Variants in CNKSR2 observed in about 807,000 individuals in gnomAD.
CNKSR2 encodes CNK homolog protein 2.
A neutral mutation model predicts 84.4 loss-of-function variants in CNKSR2; 14 were observed. The observed-to-expected ratio is 0.17, with a 90% CI of 0.11 to 0.26. CNKSR2 has a LOEUF of 0.26. CNKSR2 is among the 10% of genes least tolerant of loss of function. The probability of loss-of-function intolerance (pLI) is 1.00; values close to 1 mark genes in which losing one functional copy is unlikely to be tolerated. For synonymous variants in CNKSR2, 275 were observed against 277.9 expected, an observed-to-expected ratio of 0.99 and a Z score of 0.10; for missense variants, 485 against 771.2, an observed-to-expected ratio of 0.63 and a Z score of 4.40.
At chrX:21,632,990 TAC>T (rs200936630) in intron 20 of CNKSR2, among the ~76,000 whole-genome samples, 11,218 of 100,080 alleles carry the variant, frequency 0.11, 548 homozygotes, top group Non-Finnish European at 0.15. Context: ...TTATATAATA[TAC>T]ACACACACAC....
At chrX:21,608,990 C>G in intron 19 of CNKSR2, 81 bp from the exon 20 acceptor site, 1 of 1,123,944 alleles carries the variant, frequency 8.9e-7, no homozygotes, top group Non-Finnish European at 1.2e-6. Flanking sequence ...TAAATATTAC[C>G]TGGTAGAAAC....
intron 4 of CNKSR2, among the ~76,000 whole-genome samples, chrX:21,443,183 A>G (rs1400178624): frequency 3.6e-5 from 4 of 111,741 alleles, no homozygotes; most frequent in Non-Finnish European, 7.5e-5. Context: ...AAAATAGCTG[A>G]TGAGTGTAAA....
In CNKSR2 at chrX:21,581,004, C is replaced by T. The variant is rs143030615; in HGVS notation, c.1609-9568C>T. ...AGTGCAAATCTATGTTAATTGTACA[C>T]ATCAATCAGGCACCCCAAAATAGCT... On this transcript the variant is annotated intron_variant, in intron 13 of 21. Coordinates refer to ENST00000379510, the MANE Select transcript of CNKSR2 (RefSeq NM_014927.5). Among the ~76,000 whole-genome samples, 566 of 111,750 alleles carry T rather than the reference C, an allele frequency of 5.1e-3. 3 individuals carry two copies. The highest frequency in any genetic ancestry group is 0.018 in the African/African-American group (547 of 30,795).
At chrX:21,384,106 A>G (rs1423030192) in intron 1 of CNKSR2, among the ~76,000 whole-genome samples, 2 of 112,101 alleles carry the variant, frequency 1.8e-5, no homozygotes, top group Non-Finnish European at 3.8e-5. Context: ...TATTAAATAC[A>G]TATAACAGAG....
chrX:21,445,301 TTTTTC>T (rs781773058), intron 4 of CNKSR2, among the ~76,000 whole-genome samples: 1 of 111,147 alleles, frequency 9.0e-6, no homozygotes, highest in Non-Finnish European at 1.9e-5. Context: ...TTTTTTCACT[TTTTTC>T]TTTTATTTTT....
intron 1 of CNKSR2, among the ~76,000 whole-genome samples, chrX:21,385,357 A>G (rs1410397111): frequency 2.7e-5 from 3 of 112,286 alleles, no homozygotes; most frequent in Non-Finnish European, 5.6e-5. Flanking sequence ...TACTTAAAAC[A>G]ATGCCTTGTA....
chrX:21,458,397 T>C (rs778603193), intron 4 of CNKSR2, among the ~76,000 whole-genome samples: 3 of 112,109 alleles, frequency 2.7e-5, no homozygotes, highest in Admixed American at 9.4e-5. Flanking sequence ...CTTGATGAAG[T>C]TGTCATCTGT....
chrX:21,492,871 A>T (rs1348322386), intron 6 of CNKSR2: 4 of 112,257 alleles, frequency 3.6e-5, no homozygotes, highest in Non-Finnish European at 7.5e-5. Context: ...GAAATAAACC[A>T]ATTTTAGGAT....
intron 1 of CNKSR2, among the ~76,000 whole-genome samples, chrX:21,410,213 C>G (rs1428032878): frequency 9.0e-6 from 1 of 111,077 alleles, no homozygotes; most frequent in African/African-American, 3.3e-5. Context: ...CACACTCCAA[C>G]TAAATCAAAA....
chrX:21,642,806 G>C, intron 20 of CNKSR2: 2 of 730,950 alleles, frequency 2.7e-6, no homozygotes, highest in Non-Finnish European at 3.2e-6. Context: ...GAAGTAATCA[G>C]TGCTTCTTTC....
At chrX:21,493,147 C>T (rs1161747648) in intron 6 of CNKSR2, 1 of 112,026 alleles carries the variant, frequency 8.9e-6, no homozygotes, top group Non-Finnish European at 1.9e-5. Flanking sequence ...GTTTAACAGT[C>T]CTAAAGCATT....
rs139169893 is a variant in CNKSR2, at chrX:21,607,319, T to C, written c.2145+440T>C. ...TTGCATGTAGCTTTTTCAGCAGCCATGGGACCTGGTTTAATGTATATGTTT... is the reference window on the plus strand; with the variant it reads ...TTGCATGTAGCTTTTTCAGCAGCCACGGGACCTGGTTTAATGTATATGTTT... On this transcript the variant is annotated intron_variant, in intron 19 of 21. Coordinates refer to ENST00000379510, the MANE Select transcript of CNKSR2 (RefSeq NM_014927.5). Among the ~76,000 whole-genome samples, 411 of 111,735 alleles carry C rather than the reference T, an allele frequency of 3.7e-3. 1 individual carries two copies. Among genetic ancestry groups the C allele is most frequent in the African/African-American group, 0.013 (401 of 30,763 alleles).
At chrX:21,431,419 T>C (rs2090632436) in intron 2 of CNKSR2, among the ~76,000 whole-genome samples, 1 of 111,284 alleles carries the variant, frequency 9.0e-6, no homozygotes, top group Non-Finnish European at 1.9e-5. Context: ...CTCTGTCTAG[T>C]CCAAGTACAG....
intron 2 of CNKSR2, chrX:21,429,159 A>G (rs1355858726): frequency 8.9e-6 from 1 of 112,254 alleles, no homozygotes; most frequent in Non-Finnish European, 1.9e-5. Flanking sequence ...GCTGATATGA[A>G]CTTAGCATAA....
At chrX:21,539,684 A>C (rs937395382) in intron 11 of CNKSR2, among the ~76,000 whole-genome samples, 1 of 111,135 alleles carries the variant, frequency 9.0e-6, no homozygotes, top group African/African-American at 3.3e-5. Flanking sequence ...TTTGCATTCT[A>C]TAGTGTCAAT....
intron 13 of CNKSR2, 147 bp from the exon 14 acceptor site, chrX:21,590,425 A>T: frequency 2.4e-6 from 1 of 414,465 alleles, no homozygotes; most frequent in East Asian, 3.9e-5. Context: ...ATGTATATGA[A>T]TTTGTTTTGA....
chrX:21,613,078 A>G (rs1349001743), intron 20 of CNKSR2, among the ~76,000 whole-genome samples: 1 of 112,078 alleles, frequency 8.9e-6, no homozygotes, highest in African/African-American at 3.2e-5. Flanking sequence ...TGTTATCCCA[A>G]TTAGCAGTTT....
At chrX:21,602,461 C>A (rs995218526) in intron 18 of CNKSR2, among the ~76,000 whole-genome samples, 1 of 111,788 alleles carries the variant, frequency 8.9e-6, no homozygotes, top group African/African-American at 3.3e-5. Flanking sequence ...GGCCTTCAGC[C>A]AACTCTTTTT....
chrX:21,635,040 A>C (rs1184282592), intron 20 of CNKSR2, among the ~76,000 whole-genome samples: 2 of 107,683 alleles, frequency 1.9e-5, no homozygotes, highest in Non-Finnish European at 3.8e-5. Context: ...CGATTCAATT[A>C]GGTAATAAAA....
Sources: allele counts gnomAD v4.1 joint callset (sites outside exome capture counted in the v4.1 genomes callset), GRCh38; gene constraint gnomAD v4.1.1; transcripts MANE v1.5; gene names NCBI Gene and HGNC (gene_info 2026-07-23, HGNC 2026-07-21).